The following TEX9 variants were observed in gnomAD, a reference collection of about 807,000 sequenced individuals.
TEX9 encodes testis expressed 9.
Under a neutral mutation model 59.6 loss-of-function variants are expected in TEX9, and 74 were observed. The observed-to-expected ratio is 1.24, with a 90% CI of 1.03 to 1.51. TEX9 has a LOEUF of 1.51. Among genes scored for constraint, TEX9 ranks in the 40% most tolerant of loss-of-function variants. The pLI is 0.00. For synonymous variants in TEX9, 186 were observed against 152.2 expected (o/e 1.22, Z -1.64); for missense variants, 522 against 447.8 (o/e 1.17, Z -1.49).
chr15:56,443,653 T>G (rs1308110192), intron 12 of TEX9: 1 of 1,612,584 alleles, frequency 6.2e-7, no homozygotes, highest in Non-Finnish European at 8.5e-7. Flanking sequence ...TCTGAAGCTG[T>G]AGCCTTTTCT....
intron 2 of TEX9, among the ~76,000 whole-genome samples, chr15:56,371,914 G>A (rs1328980573): frequency 6.6e-6 from 1 of 152,212 alleles, no homozygotes. Context: ...TTTCACAGGT[G>A]TATCCCTTCA....
intron 2 of TEX9, among the ~76,000 whole-genome samples, chr15:56,372,329 T>C (rs781321957): frequency 1.8e-4 from 27 of 152,038 alleles, no homozygotes; most frequent in Admixed American, 3.9e-4. Context: ...CCTTTTTTTT[T>C]CCCTGGGGGT....
intron 1 of TEX9, among the ~76,000 whole-genome samples, chr15:56,352,080 A>T (rs1218548581): frequency 6.6e-6 from 1 of 152,222 alleles, no homozygotes; most frequent in Non-Finnish European, 1.5e-5. Context: ...GCTTAAAGCT[A>T]TTCTAAAATG....
At chr15:56,417,772 T>G (rs1179197018) in intron 10 of TEX9, among the ~76,000 whole-genome samples, 1 of 151,880 alleles carries the variant, frequency 6.6e-6, no homozygotes, top group East Asian at 1.9e-4. Flanking sequence ...ATCTGTCTAA[T>G]ACTATGGAGA....
intron 1 of TEX9, among the ~76,000 whole-genome samples, chr15:56,334,752 A>C (rs2046226750): frequency 6.6e-6 from 1 of 152,202 alleles, no homozygotes; most frequent in South Asian, 2.1e-4. Flanking sequence ...CCAACTATCC[A>C]TCTGACAAGC....
In TEX9 at chr15:56,429,309, C is replaced by T. The variant is rs2050488739; in HGVS notation, c.*29+836C>T. On this transcript the variant is annotated intron_variant, in intron 12 of 12. Transcript: ENST00000352903. ...TATCTCCAAGGTAATGAAATCTATT[C>T]AACAGATTAATGAAACTTTAAAAAA... 7.7e-6 allele frequency: 5 copies of T among 650,634 alleles called. No individual in the cohort carries two copies. The Admixed American group carries it at 1.4e-4, about 18-fold the overall frequency. The allele number at this position is 650,634 out of a possible 1,614,324, so 40.3% of individuals were successfully genotyped here.
chr15:56,346,394 G>T (rs1424051009), intron 1 of TEX9, among the ~76,000 whole-genome samples: 4 of 152,102 alleles, frequency 2.6e-5, no homozygotes, highest in African/African-American at 9.7e-5. Context: ...GCTGAGGCAG[G>T]ATTGCAAATG....
chr15:56,347,862 C>T (rs2046501720), intron 1 of TEX9, among the ~76,000 whole-genome samples: 1 of 151,902 alleles, frequency 6.6e-6, no homozygotes, highest in Non-Finnish European at 1.5e-5. Context: ...ACAAGCAACA[C>T]TTTTTATAAA....
At chr15:56,268,011 T>G (rs1287845537) in intron 1 of TEX9, among the ~76,000 whole-genome samples, 1 of 152,200 alleles carries the variant, frequency 6.6e-6, no homozygotes, top group East Asian at 1.9e-4. Context: ...GAGCAGTGGT[T>G]TGTAGTTCTC....
intron 10 of TEX9, among the ~76,000 whole-genome samples, chr15:56,426,667 A>C (rs2050295955): frequency 7.1e-6 from 1 of 140,406 alleles, no homozygotes; most frequent in Non-Finnish European, 1.5e-5. Flanking sequence ...ATGTATACAT[A>C]AGATTACACA....
chr15:56,269,840 T>G (rs1244941858), intron 1 of TEX9, among the ~76,000 whole-genome samples: 1 of 151,982 alleles, frequency 6.6e-6, no homozygotes, highest in African/African-American at 2.4e-5. Flanking sequence ...GTATTTTTAG[T>G]AGAGATGGGG....
chr15:56,388,808 A>C (rs1475142383), intron 5 of TEX9, among the ~76,000 whole-genome samples: 5 of 152,020 alleles, frequency 3.3e-5, no homozygotes, highest in African/African-American at 1.2e-4. Context: ...AATCTAGTAG[A>C]GAGAAGACTT....
At chr15:56,293,533 A>G (rs1246765908) in intron 1 of TEX9, among the ~76,000 whole-genome samples, 1 of 152,166 alleles carries the variant, frequency 6.6e-6, no homozygotes, top group Non-Finnish European at 1.5e-5. Context: ...TGCCTAATAT[A>G]AATTCTATTC....
intron 12 of TEX9, among the ~76,000 whole-genome samples, chr15:56,433,178 G>A (rs12910212): frequency 0.31 from 45,346 of 147,354 alleles, 7,647 homozygotes; most frequent in Middle Eastern, 0.49. Context: ...TCCTTAGGAT[G>A]TCACCCAGTC....
chr15:56,265,340 A>AT (rs2044356513), intron 1 of TEX9, among the ~76,000 whole-genome samples: 1 of 149,806 alleles, frequency 6.7e-6, no homozygotes. Flanking sequence ...CTTTTTTTTT[A>AT]TTTTTTATTT....
chr15:56,343,685 T>C (rs2046414434), intron 1 of TEX9, among the ~76,000 whole-genome samples: 1 of 152,106 alleles, frequency 6.6e-6, no homozygotes, highest in Non-Finnish European at 1.5e-5. Context: ...ATCAAGATAG[T>C]GAAAAGACAA....
chr15:56,303,036 A>T (rs1766233276), intron 1 of TEX9, among the ~76,000 whole-genome samples: 1 of 152,216 alleles, frequency 6.6e-6, no homozygotes, highest in South Asian at 2.1e-4. Flanking sequence ...ACACACCCAA[A>T]ACTTGAGCAT....
chr15:56,394,414 C>T (rs1596173209), intron 8 of TEX9, 167 bp downstream of exon 8: 5 of 652,874 alleles, frequency 7.7e-6, no homozygotes, highest in Non-Finnish European at 1.3e-5. Flanking sequence ...TGAATTTTCA[C>T]AGAGCTGAAA....
the TEX9 span, among the ~76,000 whole-genome samples, chr15:56,460,010 ATACATATATAT>A: frequency 7.3e-5 from 2 of 27,456 alleles, 1 homozygote; most frequent in Non-Finnish European, 1.4e-4. Context: ...AAAAAAAAAA[ATACATATATAT>A]ATATATATAT....
Sources: allele counts gnomAD v4.1 joint callset (sites outside exome capture counted in the v4.1 genomes callset), GRCh38; gene constraint gnomAD v4.1.1; transcripts MANE v1.5; gene names NCBI Gene and HGNC (gene_info 2026-07-23, HGNC 2026-07-21).